PRKN: variants seen among roughly 807,000 people sequenced by gnomAD.
The protein encoded by PRKN is parkin RBR E3 ubiquitin protein ligase.
PRKN carries 56 observed loss-of-function variants against 59.5 expected under a neutral mutation model. That is an observed-to-expected ratio of 0.94 (90% CI 0.76 to 1.18). The LOEUF is 1.18. Among genes scored for constraint, PRKN ranks in the 50% most tolerant of loss-of-function variants. The pLI, the probability that PRKN is intolerant of heterozygous loss-of-function variation, is 0.00. For synonymous variants in PRKN, 250 were observed against 222.1 expected, an observed-to-expected ratio of 1.13 and a Z score of -1.12; for missense variants, 657 against 596.4, an observed-to-expected ratio of 1.10 and a Z score of -1.06.
intron 1 of PRKN, among the ~76,000 whole-genome samples, chr6:162,495,909 C>A (rs1793045604): frequency 1.3e-5 from 2 of 152,140 alleles, no homozygotes; most frequent in Admixed American, 1.3e-4. Context: ...CACATATGAT[C>A]TAGTCCCCTC....
chr6:162,457,150 C>T (rs1790915060), intron 1 of PRKN, among the ~76,000 whole-genome samples: 1 of 151,934 alleles, frequency 6.6e-6, no homozygotes, highest in Non-Finnish European at 1.5e-5. Flanking sequence ...GATTTTGGGG[C>T]AAGGAATAAT....
chr6:162,549,639 CTTTT>C (rs10553695), intron 1 of PRKN, among the ~76,000 whole-genome samples: 40 of 122,526 alleles, frequency 3.3e-4, no homozygotes, highest in Admixed American at 3.4e-4. Flanking sequence ...ATGCGATAAT[CTTTT>C]TTTTTTTTTT....
intron 2 of PRKN, among the ~76,000 whole-genome samples, chr6:162,407,573 G>A (rs937581632): frequency 2.0e-5 from 3 of 152,120 alleles, no homozygotes; most frequent in East Asian, 3.8e-4. Context: ...CAATGCTTAA[G>A]ACAGTCAATC....
intron 9 of PRKN, among the ~76,000 whole-genome samples, chr6:161,437,583 G>A (rs1788984191): frequency 6.6e-6 from 1 of 152,178 alleles, no homozygotes; most frequent in Non-Finnish European, 1.5e-5. Flanking sequence ...TAGGCTGGTT[G>A]CTGTCTGGAA....
Position 162,404,039 on chromosome 6 carries a change from G to A in PRKN, c.171+39271C>T, listed in dbSNP as rs371004536. ...CCCTATCCTAATACATAAAATAGAGGTTGGTTGGCAATTTGCTGCTTCATC... is the reference window on the plus strand; with the variant it reads ...CCCTATCCTAATACATAAAATAGAGATTGGTTGGCAATTTGCTGCTTCATC... On this transcript the variant is annotated intron_variant, in intron 2 of 11. Coordinates refer to ENST00000366898, the MANE Select transcript of PRKN (RefSeq NM_004562.3). 4.2e-4 allele frequency among the ~76,000 whole-genome samples: 64 copies of A among 152,188 alleles called. 1 individual carries two copies. The highest frequency in any genetic ancestry group is 1.5e-3 in the African/African-American group (62 of 41,520).
At chr6:161,832,806 G>C (rs919539062) in intron 6 of PRKN, among the ~76,000 whole-genome samples, 7 of 151,878 alleles carry the variant, frequency 4.6e-5, no homozygotes, top group Admixed American at 1.3e-4. Context: ...AAAGCTTTGT[G>C]GCGGCGCCTG....
intron 3 of PRKN, among the ~76,000 whole-genome samples, chr6:162,204,488 A>C (rs1197738342): frequency 6.6e-6 from 1 of 152,298 alleles, no homozygotes; most frequent in Admixed American, 6.5e-5. Context: ...ATATCAGATG[A>C]AGGATTCAAT....
At chr6:162,457,029 T>C (rs1790908737) in intron 1 of PRKN, among the ~76,000 whole-genome samples, 3 of 152,134 alleles carry the variant, frequency 2.0e-5, no homozygotes, top group Non-Finnish European at 2.9e-5. Flanking sequence ...AGTACGAAAG[T>C]TGAAACAAGA....
At chr6:162,162,005 CAA>C (rs1782779639) in intron 4 of PRKN, among the ~76,000 whole-genome samples, 1 of 150,804 alleles carries the variant, frequency 6.6e-6, no homozygotes, top group African/African-American at 2.4e-5. Flanking sequence ...CCAAAAGAAA[CAA>C]AATGATAAAA....
intron 3 of PRKN, among the ~76,000 whole-genome samples, chr6:162,210,281 A>G (rs1785151790): frequency 6.6e-6 from 1 of 152,112 alleles, no homozygotes; most frequent in Non-Finnish European, 1.5e-5. Flanking sequence ...CAATAATAGT[A>G]TCTAACTCAG....
intron 9 of PRKN, among the ~76,000 whole-genome samples, chr6:161,522,204 T>A (rs1778853107): frequency 6.6e-6 from 1 of 152,212 alleles, no homozygotes; most frequent in East Asian, 1.9e-4. Context: ...AAAGTGTTTG[T>A]TGTTGTCAGA....
rs1004649218 is a variant in PRKN at position 161,400,516 on chromosome 6, A to G, written c.1084-13639T>C. Among the ~76,000 whole-genome samples the G allele has an allele frequency of 8.6e-5, 13 of 151,876 alleles. No homozygotes were observed. Among genetic ancestry groups the G allele is most frequent in the Non-Finnish European group, 1.5e-5 (1 of 67,964 alleles). ...AGAGACGGGGTTTCGCTTTCGCCATATTGGCCAGGCTGGTCTCAAACCCCT... is the reference window on the plus strand; with the variant it reads ...AGAGACGGGGTTTCGCTTTCGCCATGTTGGCCAGGCTGGTCTCAAACCCCT... On this transcript the variant is annotated intron_variant, in intron 9 of 11. Coordinates refer to ENST00000366898, the MANE Select transcript of PRKN (RefSeq NM_004562.3). The surrounding 1 kb of genome is among the most constrained non-coding windows in gnomAD (Gnocchi z 4.2).
chr6:161,522,399 C>G (rs1778863379), intron 9 of PRKN, among the ~76,000 whole-genome samples: 1 of 152,296 alleles, frequency 6.6e-6, no homozygotes, highest in East Asian at 1.9e-4. Context: ...CAACTTGCCC[C>G]CCAACATCAC....
At chr6:162,039,133 G>A (rs1378197581) in intron 5 of PRKN, among the ~76,000 whole-genome samples, 1 of 150,660 alleles carries the variant, frequency 6.6e-6, no homozygotes, top group Non-Finnish European at 1.5e-5. Flanking sequence ...TCCAGCCTGG[G>A]CGACAGAGCG....
At chr6:161,941,773 T>C (rs960787213) in intron 6 of PRKN, among the ~76,000 whole-genome samples, 3 of 152,148 alleles carry the variant, frequency 2.0e-5, no homozygotes, top group South Asian at 4.1e-4. Flanking sequence ...CACGCCCCCA[T>C]GACATGCCCT....
At position 161,373,574 on chromosome 6, in the gene PRKN, T is replaced by C. The variant is rs1376774809; in HGVS notation, c.1167+13220A>G. Among the ~76,000 whole-genome samples the C allele has an allele frequency of 1.3e-5, 2 of 150,800 alleles. No individual in the cohort carries two copies. The highest frequency in any genetic ancestry group is 3.0e-5 in the Non-Finnish European group (2 of 67,762). On this transcript the variant is annotated intron_variant, in intron 10 of 11. Transcript: ENST00000366898. The surrounding 1 kb of genome is among the most constrained non-coding windows in gnomAD (Gnocchi z 4.8). ...TGTTTGCAGGGGTGCTGAGTTTAAA[T>C]GTGCTATACCTCTGTGCTTTGCAGG... is the stretch of plus-strand genomic sequence containing the variant.
chr6:162,533,970 C>CAAAAAAAA, intron 1 of PRKN, among the ~76,000 whole-genome samples: 1 of 82,932 alleles, frequency 1.2e-5, no homozygotes, highest in Non-Finnish European at 2.2e-5. Context: ...GACTCCATCT[C>CAAAAAAAA]AAAAAAAAAA....
At chr6:161,620,072 C>T (rs1782840622) in intron 7 of PRKN, among the ~76,000 whole-genome samples, 1 of 148,902 alleles carries the variant, frequency 6.7e-6, no homozygotes, top group South Asian at 2.1e-4. Context: ...TCACTGCAAC[C>T]TCCACCTCCT....
chr6:162,150,162 A>G (rs1782204964), intron 4 of PRKN, among the ~76,000 whole-genome samples: 1 of 152,210 alleles, frequency 6.6e-6, no homozygotes. Flanking sequence ...GAAAATAAAT[A>G]TGTGAGTAAA....
Sources: gnomAD v4.1 joint callset for allele counts (sites outside exome capture counted in the v4.1 genomes callset) on GRCh38, gnomAD v4.1.1 for gene constraint, Gnocchi (gnomAD v3.1) non-coding constraint, MANE v1.5 for transcripts, NCBI Gene and HGNC (gene_info 2026-07-23, HGNC 2026-07-21) for gene names.